RELN: variants seen among roughly 807,000 people sequenced by gnomAD.
RELN encodes reelin.
In RELN, 108 loss-of-function variants were observed where a neutral mutation model predicts 427.6. That is an observed-to-expected ratio of 0.25 (90% CI 0.22 to 0.30). RELN has a LOEUF of 0.30. Among genes scored for constraint, RELN ranks in the 10% least tolerant of loss-of-function variants. The pLI, the probability that RELN is intolerant of heterozygous loss-of-function variation, is 1.00. For missense variants in RELN, 3,715 were observed against 4,302.8 expected, an observed-to-expected ratio of 0.86 and a Z score of 3.82; for synonymous variants, 1,524 against 1,513.4, an observed-to-expected ratio of 1.01 and a Z score of -0.16.
At chr7:103,987,904 A>G (rs1797135968) in intron 1 of RELN, among the ~76,000 whole-genome samples, 3 of 152,232 alleles carry the variant, frequency 2.0e-5, no homozygotes, top group Admixed American at 1.3e-4. Context: ...TAAAACCTCT[A>G]GGAGACGTTT....
intron 1 of RELN, among the ~76,000 whole-genome samples, chr7:103,927,453 C>T (rs1795770576): frequency 6.6e-6 from 1 of 152,088 alleles, no homozygotes; most frequent in African/African-American, 2.4e-5. Flanking sequence ...CAGATAGTTG[C>T]TCTAATATGC....
At chr7:103,801,159 G>A (rs1792454349) in intron 3 of RELN, among the ~76,000 whole-genome samples, 1 of 152,178 alleles carries the variant, frequency 6.6e-6, no homozygotes, top group Admixed American at 6.5e-5. Context: ...CAACCATTGT[G>A]GAAGACAGTG....
chr7:103,709,781 T>A (rs1039873560), intron 8 of RELN, among the ~76,000 whole-genome samples: 2 of 152,234 alleles, frequency 1.3e-5, no homozygotes, highest in African/African-American at 4.8e-5. Flanking sequence ...AATAAATCCA[T>A]GGCTTAAAAT....
At chr7:103,849,544 C>T (rs937716069) in intron 2 of RELN, among the ~76,000 whole-genome samples, 2 of 152,176 alleles carry the variant, frequency 1.3e-5, no homozygotes, top group African/African-American at 4.8e-5. Flanking sequence ...TGACACCCTG[C>T]GTATCCCCTA....
chr7:103,955,875 C>T (rs1796422378), intron 1 of RELN, among the ~76,000 whole-genome samples: 1 of 152,108 alleles, frequency 6.6e-6, no homozygotes, highest in Non-Finnish European at 1.5e-5. Context: ...GTTAGGGGTC[C>T]TGAAGCCTTG....
rs139877010 is a variant in RELN, at chr7:103,688,995, A to C, written c.1144-6734T>G. Among the ~76,000 whole-genome samples, 303 of 152,248 alleles carry C rather than the reference A, an allele frequency of 2.0e-3. 2 individuals are homozygous for C. Among genetic ancestry groups the C allele is most frequent in the African/African-American group, 6.5e-3 (272 of 41,554 alleles). On this transcript the variant is annotated intron_variant, in intron 10 of 64. Transcript: ENST00000428762. ...TCAAATTCAAAGTAGTAGTAGAGGA[A>C]ACATTAAGATATGACCCTTCTAAAT...
At chr7:103,734,954 A>G (rs1445060312) in intron 6 of RELN, among the ~76,000 whole-genome samples, 1 of 152,160 alleles carries the variant, frequency 6.6e-6, no homozygotes, top group Admixed American at 6.6e-5. Context: ...AAAAACATTA[A>G]CAGTGAATTC....
intron 21 of RELN, 105 bp from the exon 22 acceptor site, chr7:103,610,912 T>C (rs1831938736): frequency 4.1e-6 from 3 of 731,198 alleles, no homozygotes; most frequent in Admixed American, 1.9e-5. Flanking sequence ...AAATCTAATG[T>C]CATAATCTTA....
intron 4 of RELN, among the ~76,000 whole-genome samples, chr7:103,765,554 C>T (rs930569069): frequency 2.0e-5 from 3 of 152,074 alleles, no homozygotes; most frequent in South Asian, 2.1e-4. Context: ...AATTTTCACA[C>T]GTACATTAAA....
At chr7:103,727,894 T>G (rs1222382545) in intron 7 of RELN, among the ~76,000 whole-genome samples, 3 of 151,356 alleles carry the variant, frequency 2.0e-5, no homozygotes, top group Non-Finnish European at 3.0e-5. Flanking sequence ...TTTAATGATA[T>G]CCATTGATGC....
At chr7:103,726,913 C>G (rs1790226108) in intron 7 of RELN, among the ~76,000 whole-genome samples, 1 of 152,068 alleles carries the variant, frequency 6.6e-6, no homozygotes, top group African/African-American at 2.4e-5. Flanking sequence ...GAATTATGAG[C>G]ACCTACTATT....
intron 5 of RELN, among the ~76,000 whole-genome samples, chr7:103,750,979 A>G (rs1461783879): frequency 2.0e-5 from 3 of 152,206 alleles, no homozygotes; most frequent in Non-Finnish European, 2.9e-5. Flanking sequence ...TAGATGATGA[A>G]TAAGTAAACT....
intron 1 of RELN, among the ~76,000 whole-genome samples, chr7:103,942,197 A>G (rs926689152): frequency 1.3e-5 from 2 of 152,194 alleles, no homozygotes; most frequent in Non-Finnish European, 2.9e-5. Flanking sequence ...TCAAGGATAC[A>G]ATAATTAATA....
chr7:103,710,855 C>T (rs1789777068), intron 8 of RELN, among the ~76,000 whole-genome samples: 2 of 152,130 alleles, frequency 1.3e-5, no homozygotes, highest in Non-Finnish European at 1.5e-5. Flanking sequence ...ACCATCCTGG[C>T]CAACATGGTG....
In RELN at chr7:103,700,958, A is replaced by G. The variant is rs201758954; in HGVS notation, c.854T>C (p.Leu285Ser). The change falls in exon 9 of 65, where the codon TTA becomes TCA. Residue 285 changes from leucine to serine, a missense_variant. Physicochemically the swap from Leu to Ser is moderately radical, Grantham distance 145. Around this residue, in one of 4 missense-constraint regions of RELN, gnomAD observed 2,208 missense variants for 2,361.7 expected, o/e 0.93. Transcript: ENST00000428762. ...GTCCGCAGAGTTATTCTTGGCATAT[A>G]ACACGATGATGCTGGGGTCTGAATA... Reference protein sequence around the residue: ...FSYSDPSIIVLYAKNNSADWI... With the variant: ...FSYSDPSIIVSYAKNNSADWI... 8.1e-6 allele frequency: 13 copies of G among 1,612,762 alleles called. No individual in the cohort carries two copies. The highest frequency in any genetic ancestry group is 1.1e-5 in the Non-Finnish European group (13 of 1,178,866).
intron 4 of RELN, among the ~76,000 whole-genome samples, chr7:103,767,513 CCTAAGT>C (rs1197740109): frequency 6.6e-6 from 1 of 152,056 alleles, no homozygotes; most frequent in African/African-American, 2.4e-5. Flanking sequence ...TAGTCCTCAT[CCTAAGT>C]CTATCTATAC....
In RELN at chr7:103,989,628, C is replaced by T. The variant is rs573405498; in HGVS notation, c.-272G>A. On this transcript the variant is annotated 5_prime_UTR_variant, in exon 1 of 65. Coordinates refer to ENST00000428762, the MANE Select transcript of RELN (RefSeq NM_005045.4). The surrounding 1 kb of genome is among the most constrained non-coding windows in gnomAD (Gnocchi z 4.9). Reference sequence around the variant, plus strand: ...CTGCCGCCTCCGTGCGCCGCCGCCGCCTCTGCGCGACGCCCCTCGGCCAGG... The same window carrying T: ...CTGCCGCCTCCGTGCGCCGCCGCCGTCTCTGCGCGACGCCCCTCGGCCAGG... The T allele has an allele frequency of 2.4e-4, 85 of 349,658 alleles. No homozygotes were observed. Among genetic ancestry groups the T allele is most frequent in the African/African-American group, 1.8e-3 (81 of 46,022 alleles). The allele number at this position is 349,658 out of a possible 1,614,324, so 21.7% of individuals were successfully genotyped here. A position where few individuals can be genotyped will look rare whatever the true frequency, so the allele number is the denominator to read the frequency against.
At position 103,640,413 on chromosome 7, in the gene RELN, A is replaced by T. The variant is rs1584368116; in HGVS notation, c.2069+130T>A. 3.5e-6 allele frequency: 3 copies of T among 845,984 alleles called. No individual in the cohort carries two copies. The East Asian group carries it at 7.9e-5, about 22-fold the overall frequency. 52.4% of individuals were successfully genotyped at this position (845,984 alleles called of 1,614,324 possible). A position where few individuals can be genotyped will look rare whatever the true frequency, so the allele number is the denominator to read the frequency against. ...ACATTTGAATTACACTTAAGTTCTA[A>T]TAGAAATATCCAACTTTTTGTCTTA... On this transcript the variant is annotated intron_variant, in intron 17 of 64. Coordinates refer to ENST00000428762, the MANE Select transcript of RELN (RefSeq NM_005045.4). The surrounding 1 kb of genome is among the most constrained non-coding windows in gnomAD (Gnocchi z 4.1).
At chr7:103,747,906 GA>G (rs1211650234) in intron 6 of RELN, among the ~76,000 whole-genome samples, 6 of 151,336 alleles carry the variant, frequency 4.0e-5, no homozygotes, top group Non-Finnish European at 8.8e-5. Flanking sequence ...GAAAATGGGC[GA>G]AGAAAAATCA....
Sources: allele counts gnomAD v4.1 joint callset (sites outside exome capture counted in the v4.1 genomes callset), GRCh38; gene constraint gnomAD v4.1.1; regional missense constraint gnomAD v4.1.1; non-coding constraint Gnocchi (gnomAD v3.1); transcripts MANE v1.5; gene names NCBI Gene and HGNC (gene_info 2026-07-23, HGNC 2026-07-21).